Variants in TRIM27 observed in about 807,000 individuals in gnomAD.
TRIM27 encodes tripartite motif containing 27.
Under a neutral mutation model 57.6 loss-of-function variants are expected in TRIM27, and 12 were observed. The ratio of observed to expected loss-of-function variants is 0.21; its 90% CI spans 0.13 to 0.34. TRIM27 has a LOEUF of 0.34. TRIM27 is among the 10% of genes least tolerant of loss of function. TRIM27 has a pLI of 1.00. For missense variants in TRIM27, 403 were observed against 656.8 expected (o/e 0.61, Z 4.22); for synonymous variants, 266 against 259.0 (o/e 1.03, Z -0.26).
rs1774070025 is a variant in TRIM27, at chr6:28,921,940, T to C, written c.468A>G (p.Leu156=). The change falls in exon 2 of 8, where the codon TTA becomes TTG. Residue 156 remains leucine, a synonymous_variant. Coordinates refer to ENST00000377199, the MANE Select transcript of TRIM27 (RefSeq NM_006510.5). ...CCCCCTGGGCCCGACGTCTCTTCTTTAAATCTTTCACTCTTTTTAAATGGT... is the reference window on the plus strand; with the variant it reads ...CCCCCTGGGCCCGACGTCTCTTCTTCAAATCTTTCACTCTTTTTAAATGGT... ...QLDHLKRVKD[L]KKRRRAQGEQ... is the part of the protein sequence containing the mutation. 1 of 1,613,118 alleles carries C rather than the reference T, an allele frequency of 6.2e-7. No individual in the cohort carries two copies. The highest frequency in any genetic ancestry group is 1.1e-5 in the South Asian group (1 of 91,088).
intron 6 of TRIM27, chr6:28,907,823 G>A (rs1299382678): frequency 1.7e-5 from 6 of 348,100 alleles, no homozygotes; most frequent in Admixed American, 4.0e-5. Flanking sequence ...ATTATCCACT[G>A]TATTGAGTGG....
chr6:28,913,405 T>C (rs1773363803), intron 3 of TRIM27, among the ~76,000 whole-genome samples: 1 of 151,772 alleles, frequency 6.6e-6, no homozygotes, highest in Non-Finnish European at 1.5e-5. Context: ...AAACTGTATA[T>C]TTGTACCCAT....
chr6:28,911,055 C>A (rs1317284117), intron 4 of TRIM27, among the ~76,000 whole-genome samples: 1 of 152,106 alleles, frequency 6.6e-6, no homozygotes, highest in Admixed American at 6.5e-5. Flanking sequence ...CAGTTTCCAC[C>A]CCTGAAGGCA....
chr6:28,907,108 G>T, intron 7 of TRIM27, 128 bp downstream of exon 7: 1 of 824,088 alleles, frequency 1.2e-6, no homozygotes, highest in Non-Finnish European at 1.9e-6. Context: ...TGGTTGTTGT[G>T]TATCATCTTT....
rs145512248 is a variant in TRIM27, at chr6:28,923,619, C to T, written c.14G>A (p.Ser5Asn). 524 of 1,584,734 alleles carry T rather than the reference C, an allele frequency of 3.3e-4. 2 individuals are homozygous for T. The African/African-American group carries it at 6.0e-3, about 18-fold the overall frequency. Residue 5 changes from serine (S) to asparagine (N), a missense_variant, in exon 1 of 8, where the codon AGT becomes AAT. Coordinates refer to ENST00000377199, the MANE Select transcript of TRIM27 (RefSeq NM_006510.5). MASG[S>N]VAECLQQETT... ...CTCCTGCTGCAGGCACTCGGCCACA[C>T]TCCCGGAGGCCATGGCGCCGGCCTG...
At chr6:28,916,912 C>T (rs1276437254) in intron 3 of TRIM27, among the ~76,000 whole-genome samples, 1 of 151,932 alleles carries the variant, frequency 6.6e-6, no homozygotes, top group East Asian at 1.9e-4. Flanking sequence ...GAGGCTGAGG[C>T]GGATGGATTG....
intron 3 of TRIM27, 51 bp downstream of exon 3, chr6:28,919,961 G>A (rs753766545): frequency 2.3e-5 from 36 of 1,546,002 alleles, no homozygotes; most frequent in Non-Finnish European, 3.0e-5. Flanking sequence ...CAAAGGAGAA[G>A]GGACGATATT....
In TRIM27 at chr6:28,903,547, T is replaced by C. The variant is rs1772542697; in HGVS notation, c.*523A>G. On this transcript the variant is annotated 3_prime_UTR_variant, in exon 8 of 8. Coordinates refer to ENST00000377199, the MANE Select transcript of TRIM27 (RefSeq NM_006510.5). The stretch of plus-strand genomic sequence containing the variant: ...ACACATACAGGCTTCTTTAATGGAG[T>C]TAATAAAACTATGGCACATTGGGAA... The C allele has an allele frequency of 4.2e-6, 1 of 235,462 alleles. No individual in the cohort carries two copies. Among genetic ancestry groups the C allele is most frequent in the South Asian group, 1.8e-4 (1 of 5,622 alleles). The allele number at this position is 235,462 out of a possible 1,614,324, so 14.6% of individuals were successfully genotyped here. A position where few individuals can be genotyped will look rare whatever the true frequency, so the allele number is the denominator to read the frequency against.
chr6:28,907,318 T>A (rs1300612084), intron 6 of TRIM27, 56 bp from the exon 7 acceptor site: 2 of 1,560,074 alleles, frequency 1.3e-6, no homozygotes, highest in East Asian at 2.2e-5. Flanking sequence ...AGGAAATACA[T>A]AACTAAGGGG....
rs1772539592 is a variant in TRIM27, at chr6:28,903,509, GTAAC to G, written c.*557_*560del. 1 of 233,988 alleles carries G rather than the reference GTAAC, an allele frequency of 4.3e-6. No individual in the cohort carries two copies. The highest frequency in any genetic ancestry group is 8.4e-6 in the Non-Finnish European group (1 of 118,688). The allele number at this position is 233,988 out of a possible 1,614,324, so 14.5% of individuals were successfully genotyped here. ...TACCCACCATTATTGTAAAATAACT[GTAAC>G]TAACCAAAACACATACAGGCTTCTT... On this transcript the variant is annotated 3_prime_UTR_variant, in exon 8 of 8. Transcript: ENST00000377199.
At chr6:28,907,117 T>G in intron 7 of TRIM27, 119 bp downstream of exon 7, 1 of 938,770 alleles carries the variant, frequency 1.1e-6, no homozygotes, top group South Asian at 1.6e-5. Flanking sequence ...TGTATCATCT[T>G]TATACATGTA....
intron 2 of TRIM27, among the ~76,000 whole-genome samples, chr6:28,921,024 C>T (rs1773988194): frequency 6.6e-6 from 1 of 152,192 alleles, no homozygotes; most frequent in South Asian, 2.1e-4. Context: ...CCATAATTTA[C>T]TGTCCTTCGT....
In TRIM27 at chr6:28,903,772, ATCC is replaced by A; in HGVS notation, c.*295_*297del. Reference sequence around the variant, plus strand: ...GGAAGTATCTTGAACGGCTCTCCAAATCCAAAGATTATCCATACTCTTTATCCC... The same window carrying A: ...GGAAGTATCTTGAACGGCTCTCCAAAAAAGATTATCCATACTCTTTATCCC... On this transcript the variant is annotated 3_prime_UTR_variant, in exon 8 of 8. Coordinates refer to ENST00000377199, the MANE Select transcript of TRIM27 (RefSeq NM_006510.5). The A allele has an allele frequency of 1.2e-5, 5 of 405,376 alleles. No individual in the cohort carries two copies. Among genetic ancestry groups the A allele is most frequent in the South Asian group, 6.1e-5 (1 of 16,398 alleles). 25.1% of individuals were successfully genotyped at this position (405,376 alleles called of 1,614,324 possible). A position where few individuals can be genotyped will look rare whatever the true frequency, so the allele number is the denominator to read the frequency against.
chr6:28,915,771 T>C (rs776286944), intron 3 of TRIM27: 1 of 152,198 alleles, frequency 6.6e-6, no homozygotes, highest in Admixed American at 6.5e-5. Context: ...AGCAGCACTA[T>C]TGACAATAGC....
intron 2 of TRIM27, among the ~76,000 whole-genome samples, chr6:28,921,488 G>A (rs964828224): frequency 1.3e-5 from 2 of 152,130 alleles, no homozygotes. Context: ...TCAGAATTAA[G>A]GCATTGTTAA....
rs1374232510 is a variant in TRIM27, at chr6:28,921,950, A to G, written c.458T>C (p.Val153Ala). ...IQNQLDHLKRVKDLKKRRRAQ... is the reference protein window; with the variant it reads ...IQNQLDHLKRAKDLKKRRRAQ... Reference sequence around the variant, plus strand: ...CCGACGTCTCTTCTTTAAATCTTTCACTCTTTTTAAATGGTCGAGCTGGTT... The same window carrying G: ...CCGACGTCTCTTCTTTAAATCTTTCGCTCTTTTTAAATGGTCGAGCTGGTT... Residue 153 changes from valine (V) to alanine (A), a missense_variant, in exon 2 of 8, where the codon GTG becomes GCG. Transcript: ENST00000377199. 1.9e-6 allele frequency: 3 copies of G among 1,612,710 alleles called. No homozygotes were observed. Among genetic ancestry groups the G allele is most frequent in the Non-Finnish European group, 2.5e-6 (3 of 1,179,968 alleles).
chr6:28,914,450 AG>A, intron 3 of TRIM27, among the ~76,000 whole-genome samples: 1 of 151,948 alleles, frequency 6.6e-6, no homozygotes, highest in Non-Finnish European at 1.5e-5. Context: ...CATAAAAATA[AG>A]CACATAATAA....
At chr6:28,913,270 AT>A (rs1208919859) in intron 3 of TRIM27, among the ~76,000 whole-genome samples, 9 of 96,814 alleles carry the variant, frequency 9.3e-5, no homozygotes, top group African/African-American at 1.5e-4. Flanking sequence ...AAAAAAAAAA[AT>A]ATATATATAT....
chr6:28,922,308 G>C (rs971438752), intron 1 of TRIM27, among the ~76,000 whole-genome samples: 2 of 152,210 alleles, frequency 1.3e-5, no homozygotes, highest in Non-Finnish European at 2.9e-5. Context: ...TGTGACTGGA[G>C]TAGGAGGCTT....
Sources: gnomAD v4.1 joint callset for allele counts (sites outside exome capture counted in the v4.1 genomes callset) on GRCh38, gnomAD v4.1.1 for gene constraint, MANE v1.5 for transcripts, NCBI Gene and HGNC (gene_info 2026-07-23, HGNC 2026-07-21) for gene names.